KIF3C: variants seen among roughly 807,000 people sequenced by gnomAD.
KIF3C encodes kinesin family member 3C, also known as kinesin-like protein KIF3C.
Under a neutral mutation model 67.7 loss-of-function variants are expected in KIF3C, and 12 were observed. The observed-to-expected ratio is 0.18, with a 90% CI of 0.11 to 0.29. The LOEUF is 0.29. Among genes scored for constraint, KIF3C ranks in the 10% least tolerant of loss-of-function variants. KIF3C has a pLI of 1.00. For synonymous variants in KIF3C, 393 were observed against 426.2 expected (o/e 0.92, Z 0.96); for missense variants, 789 against 1,059.6 (o/e 0.74, Z 3.55).
chr2:25,971,228 C>T lies in KIF3C; in HGVS notation c.1545+9145G>A, dbSNP rs13010635. Among the ~76,000 whole-genome samples, 129 of 149,268 alleles carry T rather than the reference C, an allele frequency of 8.6e-4. 1 individual carries two copies. The highest frequency in any genetic ancestry group is 6.3e-3 in the South Asian group (30 of 4,740). On this transcript the variant is annotated intron_variant, in intron 1 of 7. Coordinates refer to ENST00000264712, the MANE Select transcript of KIF3C (RefSeq NM_002254.8). Reference sequence around the variant, plus strand: ...CGGAGCTTGCAGTGAGCTGAGATCACGCCACTGCACTCCAGCTTGGGTGAC... The same window carrying T: ...CGGAGCTTGCAGTGAGCTGAGATCATGCCACTGCACTCCAGCTTGGGTGAC...
chr2:25,952,525 A>G (rs868275516), intron 4 of KIF3C, among the ~76,000 whole-genome samples: 2 of 144,512 alleles, frequency 1.4e-5, no homozygotes, highest in Middle Eastern at 3.6e-3. Flanking sequence ...TTGTATATAT[A>G]TGTGTGTGTG....
In KIF3C at chr2:25,958,825, G is replaced by A. The variant is rs1054630946; in HGVS notation, c.1546-2381C>T. ...TGCGGTGGCTAGCGCCTGTAATCCC[G>A]GCACTTTGGGAGGCCAAGGCAGGCG... On this transcript the variant is annotated intron_variant, in intron 1 of 7. Coordinates refer to ENST00000264712, the MANE Select transcript of KIF3C (RefSeq NM_002254.8). The surrounding 1 kb of genome is among the most constrained non-coding windows in gnomAD (Gnocchi z 4.5). Among the ~76,000 whole-genome samples the A allele has an allele frequency of 2.0e-5, 3 of 151,888 alleles. No individual in the cohort carries two copies. Among genetic ancestry groups the A allele is most frequent in the South Asian group, 2.1e-4 (1 of 4,796 alleles).
At position 25,929,394 on chromosome 2, in the gene KIF3C, G is replaced by A; in HGVS notation, c.2199C>T (p.Asp733=). ...GCCTCTCCATGTGTAGCGCACGAGG[G>A]TCTTGTTCTTGGTCGTGAGAGAATT... ...EMEFSHDQEQ[D]PRALHMERLM... is the part of the protein sequence containing the mutation. The change falls in exon 7 of 8, where the codon GAC becomes GAT. Residue 733 remains aspartate, a synonymous_variant. Transcript: ENST00000264712. 5 of 1,614,064 alleles carry A rather than the reference G, an allele frequency of 3.1e-6. No individual in the cohort carries two copies. Among genetic ancestry groups the A allele is most frequent in the Non-Finnish European group, 4.2e-6 (5 of 1,179,942 alleles).
chr2:25,937,396 GA>G (rs1574479327), intron 5 of KIF3C, among the ~76,000 whole-genome samples: 1 of 152,186 alleles, frequency 6.6e-6, no homozygotes, highest in East Asian at 1.9e-4. Context: ...CTCTATAGAT[GA>G]AAACAAGGAA....
chr2:25,929,891 C>T lies in KIF3C; in HGVS notation c.2115+64G>A, dbSNP rs984289510. ...TCGGCCTCCCACAGTGCTGGGATTA[C>T]AGGTGTGAGACACCTCGCCCGGCCT... On this transcript the variant is annotated intron_variant, in intron 6 of 7. Coordinates refer to ENST00000264712, the MANE Select transcript of KIF3C (RefSeq NM_002254.8). 2.2e-5 allele frequency: 25 copies of T among 1,127,580 alleles called. No individual in the cohort carries two copies. The African/African-American group carries it at 3.8e-4, about 17-fold the overall frequency. 69.8% of individuals were successfully genotyped at this position (1,127,580 alleles called of 1,614,324 possible).
chr2:25,943,114 G>A (rs1663339279), intron 5 of KIF3C, among the ~76,000 whole-genome samples: 1 of 152,220 alleles, frequency 6.6e-6, no homozygotes. Flanking sequence ...CTTGAGTTGA[G>A]CAAATGGAAC....
intron 1 of KIF3C, among the ~76,000 whole-genome samples, chr2:25,976,836 C>A (rs986259836): frequency 6.6e-6 from 1 of 152,172 alleles, no homozygotes; most frequent in African/African-American, 2.4e-5. Context: ...ATAAAGTAGG[C>A]CTTCTCCCAA....
At chr2:25,950,119 T>C (rs1280180921) in intron 5 of KIF3C, among the ~76,000 whole-genome samples, 1 of 151,638 alleles carries the variant, frequency 6.6e-6, no homozygotes, top group Non-Finnish European at 1.5e-5. Flanking sequence ...CTCAAACTCC[T>C]GACGCCAAGT....
chr2:25,980,322 G>C lies in KIF3C; in HGVS notation c.1545+51C>G, dbSNP rs376920702. 2.1e-6 allele frequency: 3 copies of C among 1,461,234 alleles called. No individual in the cohort carries two copies. Among genetic ancestry groups the C allele is most frequent in the Non-Finnish European group, 1.9e-6 (2 of 1,068,002 alleles). 90.5% of individuals were successfully genotyped at this position (1,461,234 alleles called of 1,614,324 possible). On this transcript the variant is annotated intron_variant, in intron 1 of 7. Transcript: ENST00000264712. This position sits in a 1 kb window ranked among gnomAD's most constrained non-coding sequence, Gnocchi z 7.6. ...ACTCTCAAAGAAGAGCCTCCTTGCC[G>C]GGATCCCCTGCGGGGACATCTCGAG...
Position 25,969,485 on chromosome 2 carries a change from A to G in KIF3C, c.1545+10888T>C, listed in dbSNP as rs1664225631. ...CCTGTTCCCCCAAAACTTTTGAAAAAATAAAAAAAAGTCCCAGATGACTTT... is the reference window on the plus strand; with the variant it reads ...CCTGTTCCCCCAAAACTTTTGAAAAGATAAAAAAAAGTCCCAGATGACTTT... On this transcript the variant is annotated intron_variant, in intron 1 of 7. Transcript: ENST00000264712. Among the ~76,000 whole-genome samples the G allele has an allele frequency of 2.6e-5, 4 of 152,280 alleles. No individual in the cohort carries two copies. The South Asian group carries it at 8.3e-4, about 32-fold the overall frequency.
chr2:25,980,084 G>A lies in KIF3C; in HGVS notation c.1545+289C>T, dbSNP rs545405556. Among the ~76,000 whole-genome samples the A allele has an allele frequency of 6.6e-6, 1 of 152,300 alleles. No homozygotes were observed. Among genetic ancestry groups the A allele is most frequent in the East Asian group, 1.9e-4 (1 of 5,190 alleles). ...ATCCCACAGACCTGACTGATCCTGA[G>A]GCCACCAGCAGGAAATGCCCACAGC... On this transcript the variant is annotated intron_variant, in intron 1 of 7. Coordinates refer to ENST00000264712, the MANE Select transcript of KIF3C (RefSeq NM_002254.8). This position sits in a 1 kb window ranked among gnomAD's most constrained non-coding sequence, Gnocchi z 7.6.
chr2:25,931,496 C>A (rs2090458690), intron 5 of KIF3C, among the ~76,000 whole-genome samples: 1 of 151,946 alleles, frequency 6.6e-6, no homozygotes, highest in Non-Finnish European at 1.5e-5. Flanking sequence ...AAAAAAGTAT[C>A]CCCCATGGAT....
chr2:25,940,354 T>G (rs1663249994), intron 5 of KIF3C, among the ~76,000 whole-genome samples: 1 of 152,044 alleles, frequency 6.6e-6, no homozygotes, highest in Non-Finnish European at 1.5e-5. Flanking sequence ...GTGGATAACC[T>G]GAGGTCAGGG....
intron 5 of KIF3C, among the ~76,000 whole-genome samples, chr2:25,939,273 C>A (rs118063266): frequency 6.6e-6 from 1 of 152,218 alleles, no homozygotes; most frequent in East Asian, 1.9e-4. Context: ...TGGCCTCCCC[C>A]TCTTGTTCTG....
chr2:25,951,532 C>A, intron 5 of KIF3C: 1 of 426,126 alleles, frequency 2.3e-6, no homozygotes, highest in Admixed American at 4.1e-5. Flanking sequence ...TGCTCTTCCT[C>A]CCTCCCGAGA....
At chr2:25,976,567 C>T (rs897514894) in intron 1 of KIF3C, among the ~76,000 whole-genome samples, 1 of 152,108 alleles carries the variant, frequency 6.6e-6, no homozygotes, top group African/African-American at 2.4e-5. Flanking sequence ...CGAGACCAGC[C>T]TTGCCAACCT....
At chr2:25,931,227 C>A (rs908346977) in intron 5 of KIF3C, among the ~76,000 whole-genome samples, 1 of 151,932 alleles carries the variant, frequency 6.6e-6, no homozygotes, top group South Asian at 2.1e-4. Context: ...GAGGCCGAGA[C>A]GGGTAGATCA....
chr2:25,978,604 G>A (rs935173921), intron 1 of KIF3C, among the ~76,000 whole-genome samples: 1 of 152,092 alleles, frequency 6.6e-6, no homozygotes, highest in Admixed American at 6.5e-5. Context: ...TATCATCTGT[G>A]CCCCATACTG....
At chr2:25,937,788 C>A (rs980614275) in intron 5 of KIF3C, among the ~76,000 whole-genome samples, 1 of 152,072 alleles carries the variant, frequency 6.6e-6, no homozygotes, top group African/African-American at 2.4e-5. Flanking sequence ...TGGTGGCTCA[C>A]GGCACGCCTG....
Sources: allele counts gnomAD v4.1 joint callset (sites outside exome capture counted in the v4.1 genomes callset), GRCh38; gene constraint gnomAD v4.1.1; non-coding constraint Gnocchi (gnomAD v3.1); transcripts MANE v1.5; gene names NCBI Gene and HGNC (gene_info 2026-07-23, HGNC 2026-07-21).